The following ABCD2 variants were observed in gnomAD, a reference collection of about 807,000 sequenced individuals.
ABCD2 encodes the protein ATP binding cassette subfamily D member 2, also known as ATP-binding cassette sub-family D member 2.
A neutral mutation model predicts 70.9 loss-of-function variants in ABCD2; 36 were observed. The ratio of observed to expected loss-of-function variants is 0.51; its 90% CI spans 0.39 to 0.67. The LOEUF (loss-of-function observed/expected upper bound fraction) is 0.67. Among genes scored for constraint, ABCD2 ranks in the 30% least tolerant of loss-of-function variants. ABCD2 has a pLI of 0.00. For synonymous variants in ABCD2, 304 were observed against 306.9 expected, an observed-to-expected ratio of 0.99 and a Z score of 0.10; for missense variants, 729 against 890.2, an observed-to-expected ratio of 0.82 and a Z score of 2.30.
At chr12:39,594,769 T>C (rs1941792613) in intron 6 of ABCD2, among the ~76,000 whole-genome samples, 1 of 151,756 alleles carries the variant, frequency 6.6e-6, no homozygotes. Flanking sequence ...AGGCCAGGAG[T>C]TCGAGACCGG....
intron 6 of ABCD2, among the ~76,000 whole-genome samples, chr12:39,592,044 G>T (rs1403883980): frequency 1.3e-5 from 2 of 152,076 alleles, no homozygotes; most frequent in Admixed American, 6.6e-5. Context: ...TACATTTATA[G>T]ATCTCTTTAA....
chr12:39,536,026 G>T, the ABCD2 span, among the ~76,000 whole-genome samples: 1 of 152,108 alleles, frequency 6.6e-6, no homozygotes, highest in African/African-American at 2.4e-5. Flanking sequence ...GGCAGGCGAG[G>T]CTGCAGTGAG....
At chr12:39,588,599 C>G (rs977709689) in intron 6 of ABCD2, among the ~76,000 whole-genome samples, 2 of 152,100 alleles carry the variant, frequency 1.3e-5, no homozygotes, top group African/African-American at 4.8e-5. Context: ...TTCGGGTGTT[C>G]AGGAATGCGA....
chr12:39,549,211 T>A (rs1591959445), downstream of ABCD2, among the ~76,000 whole-genome samples: 1 of 152,000 alleles, frequency 6.6e-6, no homozygotes, highest in Non-Finnish European at 1.5e-5. Flanking sequence ...TTAAAGATCA[T>A]GAAGATTGTG....
At chr12:39,589,800 T>C (rs757547449) in intron 6 of ABCD2, among the ~76,000 whole-genome samples, 5 of 152,250 alleles carry the variant, frequency 3.3e-5, no homozygotes, top group Non-Finnish European at 5.9e-5. Context: ...CATAAGCTTA[T>C]ATATTTATTG....
At chr12:39,532,029 A>G in the ABCD2 span, among the ~76,000 whole-genome samples, 8 of 152,346 alleles carry the variant, frequency 5.3e-5, no homozygotes, top group African/African-American at 1.9e-4. Flanking sequence ...GGAAACCTCA[A>G]TTAGGTGGAT....
the ABCD2 span, among the ~76,000 whole-genome samples, chr12:39,544,138 G>T: frequency 4.7e-4 from 71 of 152,150 alleles, no homozygotes; most frequent in East Asian, 1.6e-3. Context: ...CTTGGTGGGT[G>T]GGGGGAAGCC....
chr12:39,598,477 C>T (rs1244864852), intron 6 of ABCD2, among the ~76,000 whole-genome samples: 3 of 152,122 alleles, frequency 2.0e-5, no homozygotes, highest in East Asian at 3.9e-4. Flanking sequence ...CTCAGCTCAC[C>T]GCGACCTCTG....
chr12:39,591,818 T>C (rs1474766864), intron 6 of ABCD2, among the ~76,000 whole-genome samples: 3 of 152,206 alleles, frequency 2.0e-5, no homozygotes, highest in Non-Finnish European at 4.4e-5. Flanking sequence ...TTTATCATTA[T>C]ATCAGATTAC....
At chr12:39,616,704 C>T (rs1942119106) in intron 2 of ABCD2, among the ~76,000 whole-genome samples, 1 of 152,078 alleles carries the variant, frequency 6.6e-6, no homozygotes, top group African/African-American at 2.4e-5. Context: ...AAAGAATCAT[C>T]CTATATTAGG....
the ABCD2 span, among the ~76,000 whole-genome samples, chr12:39,541,406 C>A: frequency 6.6e-6 from 1 of 152,074 alleles, no homozygotes. Context: ...AGTGTCATAA[C>A]CTGTGAAAGA....
intron 8 of ABCD2, among the ~76,000 whole-genome samples, chr12:39,578,137 T>C (rs1457516953): frequency 6.6e-6 from 1 of 152,186 alleles, no homozygotes; most frequent in Non-Finnish European, 1.5e-5. Context: ...CATTCATGAA[T>C]TCATGTACAT....
intron 6 of ABCD2, among the ~76,000 whole-genome samples, chr12:39,592,520 A>G (rs978186030): frequency 1.1e-4 from 16 of 152,196 alleles, no homozygotes; most frequent in African/African-American, 3.9e-4. Flanking sequence ...CTAGCTTTTA[A>G]TCTATAAAAG....
At position 39,553,443 on chromosome 12, in the gene ABCD2, ACT is replaced by A. The variant is rs1941116442; in HGVS notation, c.*467_*468del. On this transcript the variant is annotated 3_prime_UTR_variant, in exon 10 of 10. Coordinates refer to ENST00000308666, the MANE Select transcript of ABCD2 (RefSeq NM_005164.4). ...CTATTTTGTACAGGTTTAGTTGGCC[ACT>A]AGCAATAATCAATTTGAATTCTAGC... is the stretch of plus-strand genomic sequence containing the variant. 6.6e-6 allele frequency: 1 copy of A among 152,566 alleles called. No homozygotes were observed. Among genetic ancestry groups the A allele is most frequent in the Admixed American group, 6.5e-5 (1 of 15,280 alleles). The allele number at this position is 152,566 out of a possible 1,614,324, so 9.5% of individuals were successfully genotyped here. A position where few individuals can be genotyped will look rare whatever the true frequency, so the allele number is the denominator to read the frequency against.
Position 39,598,969 on chromosome 12 carries a change from A to G in ABCD2, c.1646+1602T>C, listed in dbSNP as rs542087503. 3.9e-5 allele frequency among the ~76,000 whole-genome samples: 6 copies of G among 152,346 alleles called. No individual in the cohort carries two copies. The South Asian group carries it at 1.0e-3, about 26-fold the overall frequency. Reference sequence around the variant, plus strand: ...AAATGTTCATGTTTCTAAAAGCCATATAATCAAGGTAAATGACTTTTAACA... The same window carrying G: ...AAATGTTCATGTTTCTAAAAGCCATGTAATCAAGGTAAATGACTTTTAACA... On this transcript the variant is annotated intron_variant, in intron 6 of 9. Coordinates refer to ENST00000308666, the MANE Select transcript of ABCD2 (RefSeq NM_005164.4).
chr12:39,531,774 A>G, the ABCD2 span, among the ~76,000 whole-genome samples: 2 of 152,254 alleles, frequency 1.3e-5, no homozygotes, highest in Non-Finnish European at 2.9e-5. Context: ...ATATAGCATC[A>G]TTGGAAGTCT....
rs145106475 is a variant in ABCD2 at position 39,600,783 on chromosome 12, G to C, written c.1501-67C>G. On this transcript the variant is annotated intron_variant, in intron 5 of 9. Coordinates refer to ENST00000308666, the MANE Select transcript of ABCD2 (RefSeq NM_005164.4). ...TGATTTATTTTGGCAGCACCTAAAAGTAAATTATTTTTTTAAAATGTTCGA... is the reference window on the plus strand; with the variant it reads ...TGATTTATTTTGGCAGCACCTAAAACTAAATTATTTTTTTAAAATGTTCGA... The C allele has an allele frequency of 3.4e-4, 470 of 1,388,492 alleles. 2 individuals are homozygous for C. In the African/African-American group the frequency reaches 6.5e-3, roughly 19 times the overall value. The allele number at this position is 1,388,492 out of a possible 1,614,324, so 86.0% of individuals were successfully genotyped here.
chr12:39,533,461 G>A, the ABCD2 span, among the ~76,000 whole-genome samples: 1 of 152,168 alleles, frequency 6.6e-6, no homozygotes, highest in Non-Finnish European at 1.5e-5. Flanking sequence ...AGCCCTGAAA[G>A]AGATGAATGA....
At chr12:39,563,244 A>T (rs1941287240) in intron 9 of ABCD2, among the ~76,000 whole-genome samples, 2 of 152,138 alleles carry the variant, frequency 1.3e-5, no homozygotes, top group Admixed American at 6.6e-5. Flanking sequence ...TCCCTCTGCA[A>T]CCAGGCATGG....
Sources: gnomAD v4.1 joint callset for allele counts (sites outside exome capture counted in the v4.1 genomes callset) on GRCh38, gnomAD v4.1.1 for gene constraint, MANE v1.5 for transcripts, NCBI Gene and HGNC (gene_info 2026-07-23, HGNC 2026-07-21) for gene names.